Variants in ACACA observed in about 807,000 individuals in gnomAD.
The protein encoded by ACACA is acetyl-CoA carboxylase alpha.
Under a neutral mutation model 296.1 loss-of-function variants are expected in ACACA, and 103 were observed. The observed-to-expected ratio is 0.35, with a 90% CI of 0.30 to 0.41. The LOEUF (loss-of-function observed/expected upper bound fraction) is 0.41, where lower values mean the gene tolerates loss of function less well. Ranked by LOEUF, ACACA falls within the 10% of genes least tolerant of loss-of-function variation. The pLI is 1.00. For missense variants in ACACA, 1,554 were observed against 2,989.7 expected (o/e 0.52, Z 11.20); for synonymous variants, 953 against 1,038.6 (o/e 0.92, Z 1.58).
chr17:37,160,379 C>G (rs192514003), intron 42 of ACACA, among the ~76,000 whole-genome samples: 2 of 152,154 alleles, frequency 1.3e-5, no homozygotes. Flanking sequence ...AAGGGCACAA[C>G]GGATGCAGGT....
chr17:37,302,573 G>A (rs765312354), intron 3 of ACACA, among the ~76,000 whole-genome samples: 6 of 149,956 alleles, frequency 4.0e-5, no homozygotes, highest in Non-Finnish European at 5.9e-5. Flanking sequence ...GATTACAGGC[G>A]TGAGCCACCA....
At chr17:37,143,574 T>A (rs773350982) in intron 45 of ACACA, 8 of 651,666 alleles carry the variant, frequency 1.2e-5, no homozygotes, top group Non-Finnish European at 1.8e-5. Flanking sequence ...TTTAAAAAAA[T>A]TCTTACACAG....
At position 37,300,170 on chromosome 17, in the gene ACACA, T is replaced by G. The variant is rs1300844770; in HGVS notation, c.339-15200A>C. Among the ~76,000 whole-genome samples the G allele has an allele frequency of 1.1e-4, 16 of 152,184 alleles. 1 individual carries two copies. Among genetic ancestry groups the G allele is most frequent in the Non-Finnish European group, 2.2e-4 (15 of 68,038 alleles). On this transcript the variant is annotated intron_variant, in intron 3 of 55. Coordinates refer to ENST00000616317, the MANE Select transcript of ACACA (RefSeq NM_198834.3). ...AAACCCTTAAAAGGAAAAGAGACCC[T>G]GACAAATATTTTGGAGGTCTAACCC...
At chr17:37,263,206 G>C (rs908679860) in intron 11 of ACACA, among the ~76,000 whole-genome samples, 1 of 152,200 alleles carries the variant, frequency 6.6e-6, no homozygotes, top group East Asian at 1.9e-4. Flanking sequence ...CTAAACTATA[G>C]TTATTCCGAA....
chr17:37,143,065 A>G (rs1567715495), intron 45 of ACACA, among the ~76,000 whole-genome samples: 1 of 152,204 alleles, frequency 6.6e-6, no homozygotes, highest in Non-Finnish European at 1.5e-5. Context: ...CACAGATACT[A>G]TTATTACTCA....
At chr17:37,290,839 T>G (rs1271548811) in intron 3 of ACACA, among the ~76,000 whole-genome samples, 1 of 151,964 alleles carries the variant, frequency 6.6e-6, no homozygotes, top group Non-Finnish European at 1.5e-5. Flanking sequence ...TTCCAGCACT[T>G]TGGGAGGCTG....
intron 54 of ACACA, among the ~76,000 whole-genome samples, chr17:37,091,101 C>T (rs1203297979): frequency 6.6e-6 from 1 of 152,192 alleles, no homozygotes; most frequent in Non-Finnish European, 1.5e-5. Flanking sequence ...CTTAAGATAA[C>T]TCTCCTTGAT....
At chr17:37,362,709 G>T (rs2049448541) in intron 1 of ACACA, among the ~76,000 whole-genome samples, 2 of 152,228 alleles carry the variant, frequency 1.3e-5, no homozygotes, top group Admixed American at 6.5e-5. Flanking sequence ...GGTGGCTCAC[G>T]CCTGTAATCC....
chr17:37,292,877 T>A (rs75583786), intron 3 of ACACA, among the ~76,000 whole-genome samples: 1 of 151,748 alleles, frequency 6.6e-6, no homozygotes, highest in African/African-American at 2.4e-5. Context: ...AAAAAAGAAA[T>A]TGACTCTAGG....
chr17:37,219,319 C>T (rs1046640778), intron 29 of ACACA, among the ~76,000 whole-genome samples: 2 of 152,070 alleles, frequency 1.3e-5, no homozygotes, highest in African/African-American at 4.8e-5. Flanking sequence ...TGAGACCATC[C>T]CACACTTCAC....
At chr17:37,355,720 T>G (rs2049109775) in intron 1 of ACACA, among the ~76,000 whole-genome samples, 1 of 150,604 alleles carries the variant, frequency 6.6e-6, no homozygotes, top group South Asian at 2.1e-4. Context: ...TAGCCAGGCG[T>G]GGTGGCACAT....
chr17:37,395,092 T>TA (rs1322681216), intron 1 of ACACA, among the ~76,000 whole-genome samples: 1 of 152,044 alleles, frequency 6.6e-6, no homozygotes, highest in African/African-American at 2.4e-5. Context: ...ACACATATAA[T>TA]AAAAAGACAC....
intron 19 of ACACA, among the ~76,000 whole-genome samples, chr17:37,245,613 C>A (rs1443679777): frequency 6.6e-6 from 1 of 152,170 alleles, no homozygotes; most frequent in Non-Finnish European, 1.5e-5. Context: ...ACCAACCCAG[C>A]CAGACATATC....
Position 37,200,489 on chromosome 17 carries a change from A to G in ACACA, c.4057-6T>C. ...TGGTCAACCAGGGTAGCTTTCTAGG[A>G]GCAAAAACATGTAAAACAGAAGATA... On this transcript the variant is annotated splice_polypyrimidine_tract_variant and splice_region_variant and intron_variant, in intron 33 of 55. Coordinates refer to ENST00000616317, the MANE Select transcript of ACACA (RefSeq NM_198834.3). The G allele has an allele frequency of 6.2e-7, 1 of 1,610,004 alleles. No homozygotes were observed. The highest frequency in any genetic ancestry group is 8.5e-7 in the Non-Finnish European group (1 of 1,176,294).
chr17:37,261,470 A>C (rs1039794006), intron 11 of ACACA, among the ~76,000 whole-genome samples: 38 of 152,354 alleles, frequency 2.5e-4, no homozygotes, highest in African/African-American at 8.9e-4. Flanking sequence ...TTCTAAACAA[A>C]CCACAAACCT....
At position 37,391,224 on chromosome 17, in the gene ACACA, C is replaced by A. The variant is rs550444117; in HGVS notation, c.38+15038G>T. 5.9e-5 allele frequency among the ~76,000 whole-genome samples: 9 copies of A among 152,032 alleles called. No homozygotes were observed. The South Asian group carries it at 1.2e-3, about 21-fold the overall frequency. On this transcript the variant is annotated intron_variant, in intron 1 of 55. Coordinates refer to ENST00000616317, the MANE Select transcript of ACACA (RefSeq NM_198834.3). Reference sequence around the variant, plus strand: ...CTGCACTGCAGCCTCGGTGACAGAGCGAGACTCTGTCTCAAAAAAAAATAG... The same window carrying A: ...CTGCACTGCAGCCTCGGTGACAGAGAGAGACTCTGTCTCAAAAAAAAATAG...
chr17:37,184,095 G>C (rs2077434632), intron 39 of ACACA, among the ~76,000 whole-genome samples: 1 of 151,896 alleles, frequency 6.6e-6, no homozygotes, highest in South Asian at 2.1e-4. Context: ...CAGCTGATTT[G>C]CCCACCTCGG....
intron 14 of ACACA, among the ~76,000 whole-genome samples, chr17:37,255,972 C>G (rs931987716): frequency 2.0e-5 from 3 of 152,094 alleles, no homozygotes; most frequent in African/African-American, 7.2e-5. Flanking sequence ...GTCTCAAACT[C>G]CTGACCTTAA....
chr17:37,146,347 A>T lies in ACACA; in HGVS notation c.5679+3517T>A, dbSNP rs536104823. Among the ~76,000 whole-genome samples, 98 of 151,716 alleles carry T rather than the reference A, an allele frequency of 6.5e-4. 1 individual carries two copies. The highest frequency in any genetic ancestry group is 2.3e-3 in the African/African-American group (96 of 41,322). On this transcript the variant is annotated intron_variant, in intron 45 of 55. Coordinates refer to ENST00000616317, the MANE Select transcript of ACACA (RefSeq NM_198834.3). ...TATCTATTAAAGGAAGAAACAATTT[A>T]CAGGTTGCTGCATTATGGGAGTATG... is the stretch of plus-strand genomic sequence containing the variant.
Sources: gnomAD v4.1 joint callset for allele counts (sites outside exome capture counted in the v4.1 genomes callset) on GRCh38, gnomAD v4.1.1 for gene constraint, MANE v1.5 for transcripts, NCBI Gene and HGNC (gene_info 2026-07-23, HGNC 2026-07-21) for gene names.